RALYL: variants seen among roughly 807,000 people sequenced by gnomAD.
RALYL encodes RNA-binding Raly-like protein.
Under a neutral mutation model 35.1 loss-of-function variants are expected in RALYL, and 29 were observed. The ratio of observed to expected loss-of-function variants is 0.83; its 90% CI spans 0.61 to 1.13. RALYL has a LOEUF of 1.13. Among genes scored for constraint, RALYL ranks in the 50% most tolerant of loss-of-function variants. The pLI is 0.00. For synonymous variants in RALYL, 120 were observed against 127.6 expected (o/e 0.94, Z 0.40); for missense variants, 359 against 360.4 (o/e 1.00, Z 0.03).
At chr8:84,353,481 T>TA (rs1220340567) in intron 1 of RALYL, among the ~76,000 whole-genome samples, 4 of 150,578 alleles carry the variant, frequency 2.7e-5, no homozygotes, top group African/African-American at 9.9e-5. Flanking sequence ...TGCAGCTTCG[T>TA]AAAATTCATC....
chr8:84,836,350 T>C (rs972816879), intron 4 of RALYL, among the ~76,000 whole-genome samples: 1 of 152,192 alleles, frequency 6.6e-6, no homozygotes, highest in African/African-American at 2.4e-5. Context: ...TTAGAACTTC[T>C]TAGCCATTTT....
At chr8:84,601,495 A>C (rs1815942904) in intron 2 of RALYL, among the ~76,000 whole-genome samples, 1 of 152,078 alleles carries the variant, frequency 6.6e-6, no homozygotes, top group South Asian at 2.1e-4. Flanking sequence ...TTCTGCCGGG[A>C]AGCCTACTAA....
At position 84,385,483 on chromosome 8, in the gene RALYL, G is replaced by A. The variant is rs569353910; in HGVS notation, c.-23-143816G>A. ...GATAGTTTTAGAACAAAAGGGACAA[G>A]GATGAGTACACCTTATCCATCTACT... On this transcript the variant is annotated intron_variant, in intron 1 of 8. Coordinates refer to ENST00000521268, the MANE Select transcript of RALYL (RefSeq NM_173848.7). Among the ~76,000 whole-genome samples, 17 of 151,848 alleles carry A rather than the reference G, an allele frequency of 1.1e-4. 2 individuals carry two copies. The South Asian group carries it at 3.3e-3, about 30-fold the overall frequency.
intron 2 of RALYL, among the ~76,000 whole-genome samples, chr8:84,631,980 C>A (rs1489417565): frequency 6.6e-6 from 1 of 151,616 alleles, no homozygotes; most frequent in Non-Finnish European, 1.5e-5. Flanking sequence ...TTGTTTCCAC[C>A]CCACCCCCCT....
chr8:84,576,471 G>A (rs1191424232), intron 2 of RALYL, among the ~76,000 whole-genome samples: 4 of 152,190 alleles, frequency 2.6e-5, no homozygotes. Context: ...GATGGCAGAT[G>A]CATTTGTTTT....
intron 1 of RALYL, among the ~76,000 whole-genome samples, chr8:84,429,009 C>T (rs1164115451): frequency 6.6e-6 from 1 of 152,040 alleles, no homozygotes; most frequent in African/African-American, 2.4e-5. Context: ...ATAGAGATTT[C>T]CCCATTGTTT....
At chr8:84,656,499 T>C (rs1021365882) in intron 2 of RALYL, among the ~76,000 whole-genome samples, 1 of 152,190 alleles carries the variant, frequency 6.6e-6, no homozygotes, top group Non-Finnish European at 1.5e-5. Context: ...CCTTATGAGA[T>C]GAGATATTTG....
intron 1 of RALYL, among the ~76,000 whole-genome samples, chr8:84,286,280 C>T (rs1837587280): frequency 6.6e-6 from 1 of 152,090 alleles, no homozygotes; most frequent in Non-Finnish European, 1.5e-5. Flanking sequence ...ACAGCTATGT[C>T]TTTTTCTCTG....
intron 3 of RALYL, among the ~76,000 whole-genome samples, chr8:84,776,414 G>A (rs896079266): frequency 2.0e-5 from 3 of 152,112 alleles, no homozygotes; most frequent in African/African-American, 4.8e-5. Context: ...AAAATGGAAA[G>A]CAATAGAGTA....
At chr8:84,740,496 G>C (rs1311967129) in intron 2 of RALYL, among the ~76,000 whole-genome samples, 1 of 151,964 alleles carries the variant, frequency 6.6e-6, no homozygotes, top group African/African-American at 2.4e-5. Flanking sequence ...TGAAAAGTCA[G>C]TCATTTAAAG....
At chr8:84,320,573 A>G (rs2130368541) in intron 1 of RALYL, among the ~76,000 whole-genome samples, 1 of 152,158 alleles carries the variant, frequency 6.6e-6, no homozygotes, top group East Asian at 1.9e-4. Flanking sequence ...TGCAAATACC[A>G]AAGATACAGA....
intron 1 of RALYL, among the ~76,000 whole-genome samples, chr8:84,498,994 G>A (rs1027723440): frequency 2.0e-4 from 30 of 152,066 alleles, no homozygotes; most frequent in African/African-American, 7.0e-4. Flanking sequence ...TGGATAAATA[G>A]GAGTTTTCTT....
chr8:84,573,337 T>C (rs28748272), intron 2 of RALYL, among the ~76,000 whole-genome samples: 4,382 of 151,780 alleles, frequency 0.029, 99 homozygotes, highest in Middle Eastern at 0.071. Context: ...GATAGAACTT[T>C]AGTATTATAG....
At chr8:84,515,394 A>G (rs986247723) in intron 1 of RALYL, among the ~76,000 whole-genome samples, 1 of 152,196 alleles carries the variant, frequency 6.6e-6, no homozygotes, top group African/African-American at 2.4e-5. Context: ...TCTTAAAATG[A>G]GATTCATTTG....
chr8:84,390,888 G>A (rs913616536), intron 1 of RALYL, among the ~76,000 whole-genome samples: 5 of 152,018 alleles, frequency 3.3e-5, no homozygotes, highest in African/African-American at 1.2e-4. Context: ...CCAACATTAT[G>A]CATTCTGAAT....
intron 1 of RALYL, among the ~76,000 whole-genome samples, chr8:84,430,981 T>G (rs2047078632): frequency 1.3e-5 from 2 of 152,156 alleles, no homozygotes; most frequent in Admixed American, 6.6e-5. Flanking sequence ...GTGAGGTTTG[T>G]CACTTAACAT....
chr8:84,341,918 T>A (rs2403003), intron 1 of RALYL, among the ~76,000 whole-genome samples: 3,783 of 151,914 alleles, frequency 0.025, 167 homozygotes, highest in African/African-American at 0.086. Flanking sequence ...AGCTCATACC[T>A]CATAAAATTG....
At chr8:84,279,648 G>A (rs1836154325) in intron 1 of RALYL, among the ~76,000 whole-genome samples, 1 of 152,136 alleles carries the variant, frequency 6.6e-6, no homozygotes, top group Non-Finnish European at 1.5e-5. Flanking sequence ...GGAGGCTTTG[G>A]AGGAGCATCC....
intron 1 of RALYL, among the ~76,000 whole-genome samples, chr8:84,316,834 T>TA (rs1563722921): frequency 2.0e-5 from 3 of 152,276 alleles, no homozygotes. Flanking sequence ...CTAAATCTTT[T>TA]AAAAAATAAA....
Sources: allele counts gnomAD v4.1 joint callset (sites outside exome capture counted in the v4.1 genomes callset), GRCh38; gene constraint gnomAD v4.1.1; transcripts MANE v1.5; gene names NCBI Gene and HGNC (gene_info 2026-07-23, HGNC 2026-07-21).